ARHGAP15: variants seen among roughly 807,000 people sequenced by gnomAD.
ARHGAP15 encodes the protein Rho GTPase activating protein 15.
Under a neutral mutation model 63.7 loss-of-function variants are expected in ARHGAP15, and 51 were observed. The observed-to-expected ratio is 0.80, with a 90% CI of 0.64 to 1.01. The LOEUF (loss-of-function observed/expected upper bound fraction) is 1.01. Among genes scored for constraint, ARHGAP15 ranks in the 50% least tolerant of loss-of-function variants. The pLI, the probability that ARHGAP15 is intolerant of heterozygous loss-of-function variation, is 0.00. For missense variants in ARHGAP15, 560 were observed against 564.6 expected, an observed-to-expected ratio of 0.99 and a Z score of 0.08; for synonymous variants, 191 against 193.8, an observed-to-expected ratio of 0.99 and a Z score of 0.12.
chr2:143,304,619 TAG>T (rs1346821695), intron 6 of ARHGAP15, among the ~76,000 whole-genome samples: 1 of 151,938 alleles, frequency 6.6e-6, no homozygotes, highest in Admixed American at 6.6e-5. Context: ...AAAGTGAACT[TAG>T]AGTTTTGCAT....
chr2:143,418,153 C>A (rs944294462), intron 6 of ARHGAP15, among the ~76,000 whole-genome samples: 1 of 152,210 alleles, frequency 6.6e-6, no homozygotes, highest in African/African-American at 2.4e-5. Flanking sequence ...CTGTGAGAAA[C>A]ACATGCTACA....
intron 2 of ARHGAP15, chr2:143,162,396 AG>A (rs765124408): frequency 3.3e-5 from 5 of 152,026 alleles, no homozygotes; most frequent in Non-Finnish European, 5.9e-5. Context: ...ACAGAGACGA[AG>A]GCACACTGTT....
In ARHGAP15 at chr2:143,199,488, C is replaced by T. The variant is rs186614257; in HGVS notation, c.166-2646C>T. Among the ~76,000 whole-genome samples the T allele has an allele frequency of 1.9e-4, 29 of 152,094 alleles. 1 individual carries two copies. In the East Asian group the frequency reaches 5.1e-3, roughly 27 times the overall value. On this transcript the variant is annotated intron_variant, in intron 2 of 13. Transcript: ENST00000295095. ...CTTTACTGGCCTATGTATGGTTTCC[C>T]CACATGGTGATTCAGCGCCCAAACT...
At chr2:143,740,186 C>T (rs891218027) in intron 13 of ARHGAP15, among the ~76,000 whole-genome samples, 2 of 152,132 alleles carry the variant, frequency 1.3e-5, no homozygotes, top group African/African-American at 4.8e-5. Context: ...TAGCATTTTC[C>T]CTCATATACA....
At chr2:143,421,156 G>A (rs1255792784) in intron 6 of ARHGAP15, among the ~76,000 whole-genome samples, 8 of 152,024 alleles carry the variant, frequency 5.3e-5, no homozygotes, top group Non-Finnish European at 5.9e-5. Context: ...CTTTTATAAA[G>A]GAACTCTTGC....
chr2:143,608,207 C>T (rs1362237387), intron 11 of ARHGAP15: 1 of 152,080 alleles, frequency 6.6e-6, no homozygotes, highest in Non-Finnish European at 1.5e-5. Flanking sequence ...GGACTTCGGC[C>T]GTTAAGATTT....
chr2:143,739,492 C>T (rs913297596), intron 13 of ARHGAP15, among the ~76,000 whole-genome samples: 1 of 152,130 alleles, frequency 6.6e-6, no homozygotes. Flanking sequence ...AAATAGCGCC[C>T]AGAGTCCTTG....
intron 12 of ARHGAP15, among the ~76,000 whole-genome samples, chr2:143,654,734 T>G (rs965232457): frequency 2.0e-4 from 30 of 152,228 alleles, no homozygotes; most frequent in African/African-American, 7.0e-4. Context: ...AAATCTGGCT[T>G]CTTTCCCCCT....
At chr2:143,386,990 T>G (rs766041499) in intron 6 of ARHGAP15, among the ~76,000 whole-genome samples, 1 of 151,982 alleles carries the variant, frequency 6.6e-6, no homozygotes, top group Non-Finnish European at 1.5e-5. Context: ...CAACAGACAC[T>G]GAGGCCTACT....
chr2:143,725,641 G>A (rs1685240689), intron 13 of ARHGAP15, among the ~76,000 whole-genome samples: 1 of 152,194 alleles, frequency 6.6e-6, no homozygotes, highest in African/African-American at 2.4e-5. Flanking sequence ...TTATGGCAAT[G>A]CTAATATTTG....
chr2:143,502,800 G>A (rs367692928), intron 9 of ARHGAP15, among the ~76,000 whole-genome samples: 5 of 152,006 alleles, frequency 3.3e-5, no homozygotes, highest in African/African-American at 7.2e-5. Context: ...GGCTGGTCTC[G>A]AACTCTTGAC....
intron 13 of ARHGAP15, among the ~76,000 whole-genome samples, chr2:143,736,842 A>G (rs1019046392): frequency 1.3e-5 from 2 of 152,202 alleles, no homozygotes; most frequent in Non-Finnish European, 2.9e-5. Flanking sequence ...TCAAAACCCA[A>G]CCAACATCTA....
At chr2:143,584,937 A>G (rs1697054601) in intron 11 of ARHGAP15, among the ~76,000 whole-genome samples, 1 of 152,194 alleles carries the variant, frequency 6.6e-6, no homozygotes, top group South Asian at 2.1e-4. Context: ...TTGACTTTGG[A>G]ATGTCTTGCT....
At chr2:143,506,211 A>G (rs1030507571) in intron 9 of ARHGAP15, among the ~76,000 whole-genome samples, 3 of 152,148 alleles carry the variant, frequency 2.0e-5, no homozygotes, top group African/African-American at 4.8e-5. Context: ...TCCCCACCCA[A>G]AAAGAATCTT....
chr2:143,620,291 C>G (rs541122479), intron 11 of ARHGAP15, among the ~76,000 whole-genome samples: 1 of 152,214 alleles, frequency 6.6e-6, no homozygotes, highest in Admixed American at 6.5e-5. Flanking sequence ...TTTTCCTACT[C>G]TATCATATTT....
intron 13 of ARHGAP15, among the ~76,000 whole-genome samples, chr2:143,764,525 G>GTAAA (rs1686883537): frequency 6.6e-6 from 1 of 152,144 alleles, no homozygotes. Context: ...TGCAGAAATA[G>GTAAA]TAAATAGTCC....
chr2:143,404,835 C>T (rs1314135772), intron 6 of ARHGAP15, among the ~76,000 whole-genome samples: 6 of 151,864 alleles, frequency 4.0e-5, no homozygotes, highest in African/African-American at 9.7e-5. Flanking sequence ...AAGTAAATAA[C>T]GGGACTCGTG....
At chr2:143,450,521 T>A (rs527268548) in intron 8 of ARHGAP15, among the ~76,000 whole-genome samples, 24 of 152,130 alleles carry the variant, frequency 1.6e-4, no homozygotes, top group African/African-American at 5.3e-4. Context: ...AAAAATTCTC[T>A]GACTCAAAAC....
intron 2 of ARHGAP15, among the ~76,000 whole-genome samples, chr2:143,179,849 A>C (rs1417658248): frequency 6.6e-6 from 1 of 150,936 alleles, no homozygotes; most frequent in African/African-American, 2.4e-5. Flanking sequence ...CCATGATTGC[A>C]CCACTGCGCT....
Sources: allele counts gnomAD v4.1 joint callset (sites outside exome capture counted in the v4.1 genomes callset), GRCh38; gene constraint gnomAD v4.1.1; transcripts MANE v1.5; gene names NCBI Gene and HGNC (gene_info 2026-07-23, HGNC 2026-07-21).